The following ABCD2 variants were observed in gnomAD, a reference collection of about 807,000 sequenced individuals.
ABCD2 encodes ATP-binding cassette sub-family D member 2.
Under a neutral mutation model 70.9 loss-of-function variants are expected in ABCD2, and 36 were observed. The ratio of observed to expected loss-of-function variants is 0.51; its 90% CI spans 0.39 to 0.67. The LOEUF (loss-of-function observed/expected upper bound fraction) is 0.67, where lower values mean the gene tolerates loss of function less well. ABCD2 is among the 30% of genes least tolerant of loss of function. The pLI is 0.00. For missense variants in ABCD2, 729 were observed against 890.2 expected (o/e 0.82, Z 2.30); for synonymous variants, 304 against 306.9 (o/e 0.99, Z 0.10).
chr12:39,587,938 G>A (rs751295705), intron 6 of ABCD2, among the ~76,000 whole-genome samples: 16 of 152,224 alleles, frequency 1.1e-4, no homozygotes, highest in East Asian at 5.8e-4. Context: ...AGAATCAGGC[G>A]GAAATTTTAA....
intron 9 of ABCD2, among the ~76,000 whole-genome samples, chr12:39,570,996 T>C (rs1235444778): frequency 1.3e-5 from 2 of 151,624 alleles, no homozygotes; most frequent in Non-Finnish European, 2.9e-5. Flanking sequence ...TATCAAAAAA[T>C]GCTCAACAAC....
Position 39,563,622 on chromosome 12 carries a change from G to A in ABCD2, c.2004-9491C>T, listed in dbSNP as rs546429805. ...AATTGTTCCTGGCTGCAGATAACAT[G>A]TTCTTTTTTCTTTTTAATTATACTT... On this transcript the variant is annotated intron_variant, in intron 9 of 9. Coordinates refer to ENST00000308666, the MANE Select transcript of ABCD2 (RefSeq NM_005164.4). Among the ~76,000 whole-genome samples the A allele has an allele frequency of 4.6e-5, 7 of 151,518 alleles. No individual in the cohort carries two copies. The South Asian group carries it at 1.5e-3, about 32-fold the overall frequency.
rs1351187794 is a variant in ABCD2 at position 39,573,775 on chromosome 12, A to C, written c.1944T>G (p.Phe648Leu). The C allele has an allele frequency of 1.2e-6, 2 of 1,613,350 alleles. No homozygotes were observed. The highest frequency in any genetic ancestry group is 1.3e-5 in the African/African-American group (1 of 74,918). ...AAATTCCAGCCCCTTTTGCAGCCTGAAATATCTTTCCTTCGACATCAATGC... is the reference window on the plus strand; with the variant it reads ...AAATTCCAGCCCCTTTTGCAGCCTGCAATATCTTTCCTTCGACATCAATGC... ...AVSIDVEGKI[F>L]QAAKGAGISL... Residue 648 changes from phenylalanine (F) to leucine (L), a missense_variant, in exon 9 of 10, where the codon TTT (phenylalanine) becomes TTG (leucine). Coordinates refer to ENST00000308666, the MANE Select transcript of ABCD2 (RefSeq NM_005164.4).
chr12:39,571,069 A>T (rs1315892855), intron 9 of ABCD2, among the ~76,000 whole-genome samples: 1 of 152,326 alleles, frequency 6.6e-6, no homozygotes, highest in East Asian at 1.9e-4. Context: ...AGAAAATGAC[A>T]GAAAGTGTTG....
At chr12:39,586,465 T>C (rs920462685) in intron 6 of ABCD2, among the ~76,000 whole-genome samples, 168 bp from the exon 7 acceptor site, 2 of 152,204 alleles carry the variant, frequency 1.3e-5, no homozygotes, top group African/African-American at 4.8e-5. Flanking sequence ...TGCTAAACAA[T>C]ACCGTTATGT....
At chr12:39,542,747 A>T in the ABCD2 span, among the ~76,000 whole-genome samples, 1 of 152,298 alleles carries the variant, frequency 6.6e-6, no homozygotes, top group African/African-American at 2.4e-5. Context: ...TGCTATGTTT[A>T]TGAAAAGGGA....
At chr12:39,575,692 G>A (rs1306093529) in intron 8 of ABCD2, among the ~76,000 whole-genome samples, 3 of 152,150 alleles carry the variant, frequency 2.0e-5, no homozygotes, top group Non-Finnish European at 2.9e-5. Flanking sequence ...AATGAGGGAA[G>A]GCAGTTTCCT....
intron 9 of ABCD2, among the ~76,000 whole-genome samples, chr12:39,565,425 CTG>C (rs909882283): frequency 6.6e-6 from 1 of 152,120 alleles, no homozygotes; most frequent in Non-Finnish European, 1.5e-5. Flanking sequence ...ATTTGGCTCT[CTG>C]TTTGTCTGTT....
chr12:39,542,174 G>T, the ABCD2 span, among the ~76,000 whole-genome samples: 1 of 152,094 alleles, frequency 6.6e-6, no homozygotes, highest in Admixed American at 6.5e-5. Context: ...AAATTTTAAA[G>T]AATAAATTGC....
chr12:39,577,780 CATA>C (rs1405706266), intron 8 of ABCD2, among the ~76,000 whole-genome samples: 2 of 151,980 alleles, frequency 1.3e-5, no homozygotes, highest in Non-Finnish European at 2.9e-5. Flanking sequence ...GGAAAAATAT[CATA>C]ATACCTGTGA....
intron 2 of ABCD2, among the ~76,000 whole-genome samples, chr12:39,613,619 A>G (rs1423786918): frequency 2.6e-5 from 4 of 152,164 alleles, no homozygotes; most frequent in African/African-American, 9.7e-5. Flanking sequence ...TTATAGAATA[A>G]GTTCCAATGT....
Position 39,551,062 on chromosome 12 carries a change from T to C in ABCD2, c.*2850A>G, listed in dbSNP as rs1222062195. 1 of 151,696 alleles carries C rather than the reference T, an allele frequency of 6.6e-6. No homozygotes were observed. Among genetic ancestry groups the C allele is most frequent in the Non-Finnish European group, 1.5e-5 (1 of 67,628 alleles). The allele number at this position is 151,696 out of a possible 1,614,324, so 9.4% of individuals were successfully genotyped here. A position where few individuals can be genotyped will look rare whatever the true frequency, so the allele number is the denominator to read the frequency against. On this transcript the variant is annotated 3_prime_UTR_variant, in exon 10 of 10. Transcript: ENST00000308666. ...AAACCATTCCCACTGTAAACAAATGTAAATTTGAGTTGAGTTTTAAGGTAT... is the reference window on the plus strand; with the variant it reads ...AAACCATTCCCACTGTAAACAAATGCAAATTTGAGTTGAGTTTTAAGGTAT...
At chr12:39,537,945 A>G in the ABCD2 span, among the ~76,000 whole-genome samples, 1 of 152,182 alleles carries the variant, frequency 6.6e-6, no homozygotes, top group Non-Finnish European at 1.5e-5. Context: ...GAGGCAGGAG[A>G]ATAGGGTCTG....
chr12:39,592,643 A>G (rs1941762042), intron 6 of ABCD2, among the ~76,000 whole-genome samples: 1 of 152,240 alleles, frequency 6.6e-6, no homozygotes, highest in Non-Finnish European at 1.5e-5. Context: ...TAACCTACAT[A>G]CACATTGGCA....
intron 2 of ABCD2, among the ~76,000 whole-genome samples, chr12:39,609,993 A>G (rs1942023671): frequency 6.6e-6 from 1 of 152,176 alleles, no homozygotes; most frequent in African/African-American, 2.4e-5. Flanking sequence ...TGGATGAGTT[A>G]ATGCAAGGTG....
chr12:39,600,459 T>C (rs1169054005), intron 6 of ABCD2, 112 bp downstream of exon 6: 14 of 1,069,710 alleles, frequency 1.3e-5, no homozygotes, highest in Non-Finnish European at 1.6e-5. Context: ...TCCTTAATAG[T>C]TTCTCTTAAT....
rs966775563 is a variant in ABCD2, at chr12:39,551,394, A to G, written c.*2518T>C. 4.6e-5 allele frequency: 7 copies of G among 151,564 alleles called. No individual in the cohort carries two copies. Among genetic ancestry groups the G allele is most frequent in the African/African-American group, 1.7e-4 (7 of 41,358 alleles). The allele number at this position is 151,564 out of a possible 1,614,324, so 9.4% of individuals were successfully genotyped here. A position where few individuals can be genotyped will look rare whatever the true frequency, so the allele number is the denominator to read the frequency against. On this transcript the variant is annotated 3_prime_UTR_variant, in exon 10 of 10. Coordinates refer to ENST00000308666, the MANE Select transcript of ABCD2 (RefSeq NM_005164.4). ...ATATTCTTTCTTTTTTCCTTTCCTCATCTATCCCTTGCTGTATTCAAAAAT... is the reference window on the plus strand; with the variant it reads ...ATATTCTTTCTTTTTTCCTTTCCTCGTCTATCCCTTGCTGTATTCAAAAAT...
intron 2 of ABCD2, among the ~76,000 whole-genome samples, chr12:39,611,533 C>T (rs537281584): frequency 2.5e-4 from 38 of 152,122 alleles, no homozygotes; most frequent in African/African-American, 9.2e-4. Context: ...CGCCTATCCT[C>T]CACCATATAT....
intron 6 of ABCD2, among the ~76,000 whole-genome samples, chr12:39,591,114 C>G (rs189374397): frequency 3.3e-5 from 5 of 152,214 alleles, no homozygotes; most frequent in Admixed American, 1.3e-4. Context: ...CTAAGTACTG[C>G]TGTGTTGTCG....
Sources: allele counts gnomAD v4.1 joint callset (sites outside exome capture counted in the v4.1 genomes callset), GRCh38; gene constraint gnomAD v4.1.1; transcripts MANE v1.5; gene names NCBI Gene and HGNC (gene_info 2026-07-23, HGNC 2026-07-21).